CNTNAP3: variants seen among roughly 807,000 people sequenced by gnomAD.
CNTNAP3 encodes the protein contactin associated protein family member 3.
In CNTNAP3, 36 loss-of-function variants were observed where a neutral mutation model predicts 92.1. The observed-to-expected ratio is 0.39, with a 90% CI of 0.30 to 0.52. CNTNAP3 has a LOEUF of 0.52. CNTNAP3 is among the 20% of genes least tolerant of loss of function. The pLI, the probability that CNTNAP3 is intolerant of heterozygous loss-of-function variation, is 0.76. For synonymous variants in CNTNAP3, 232 were observed against 422.3 expected, an observed-to-expected ratio of 0.55 and a Z score of 5.53; for missense variants, 534 against 1,069.6, an observed-to-expected ratio of 0.50 and a Z score of 6.98.
intron 23 of CNTNAP3, among the ~76,000 whole-genome samples, chr9:39,075,191 G>C (rs942624805): frequency 2.0e-5 from 3 of 151,584 alleles, no homozygotes; most frequent in Non-Finnish European, 4.4e-5. Flanking sequence ...GAAAGACCTG[G>C]GCAAAATGTT....
Position 39,104,249 on chromosome 9 carries a change from C to T in CNTNAP3, c.2366-335G>A, listed in dbSNP as rs542549560. On this transcript the variant is annotated intron_variant, in intron 15 of 23. Coordinates refer to ENST00000297668, the MANE Select transcript of CNTNAP3 (RefSeq NM_033655.5). ...GACCAACAGAACTTACTGAAGAACTCGGTAAGATGTGAGAAGAAGGGTGGA... is the reference window on the plus strand; with the variant it reads ...GACCAACAGAACTTACTGAAGAACTTGGTAAGATGTGAGAAGAAGGGTGGA... Among the ~76,000 whole-genome samples the T allele has an allele frequency of 2.4e-4, 37 of 152,040 alleles. No homozygotes were observed. In the South Asian group the frequency reaches 7.1e-3, roughly 29 times the overall value.
intron 13 of CNTNAP3, among the ~76,000 whole-genome samples, chr9:39,129,903 A>G (rs1189093501): frequency 1.3e-5 from 2 of 152,190 alleles, no homozygotes; most frequent in African/African-American, 4.8e-5. Flanking sequence ...AACATGCTCA[A>G]TATTATTAGA....
chr9:39,096,540 A>T (rs984956498), intron 18 of CNTNAP3, among the ~76,000 whole-genome samples: 4 of 151,574 alleles, frequency 2.6e-5, no homozygotes, highest in African/African-American at 9.7e-5. Flanking sequence ...AACATTTATC[A>T]TTTCTTTTTG....
At chr9:39,136,755 G>A (rs1821446601) in intron 12 of CNTNAP3, among the ~76,000 whole-genome samples, 1 of 151,920 alleles carries the variant, frequency 6.6e-6, no homozygotes, top group African/African-American at 2.4e-5. Flanking sequence ...ACAAAAATTA[G>A]CCAGGCATGG....
intron 13 of CNTNAP3, among the ~76,000 whole-genome samples, chr9:39,129,910 T>C (rs907587553): frequency 1.3e-5 from 2 of 152,152 alleles, no homozygotes; most frequent in African/African-American, 4.8e-5. Flanking sequence ...TCAATATTAT[T>C]AGACATCAGG....
chr9:39,147,837 T>C (rs1168715025), intron 10 of CNTNAP3, among the ~76,000 whole-genome samples: 1 of 152,200 alleles, frequency 6.6e-6, no homozygotes, highest in African/African-American at 2.4e-5. Context: ...GCAGGCAACA[T>C]GGATCATCTC....
intron 20 of CNTNAP3, 29 bp downstream of exon 20, chr9:39,086,687 T>A (rs1826069791): frequency 6.2e-7 from 1 of 1,602,940 alleles, no homozygotes. Flanking sequence ...TAATATTAGT[T>A]AGTTTGACTT....
rs1485142004 is a variant in CNTNAP3, at chr9:39,226,932, ATATGTGTG to A, written c.390+12053_390+12060del. ...GCATAGTATTCCATGGTGTGTATGTATATGTGTGTATATATATATACCATATTTTCTTT... is the reference window on the plus strand; with the variant it reads ...GCATAGTATTCCATGGTGTGTATGTATATATATATATACCATATTTTCTTT... On this transcript the variant is annotated intron_variant, in intron 3 of 23. Transcript: ENST00000297668. Among the ~76,000 whole-genome samples the A allele has an allele frequency of 5.8e-4, 3 of 5,178 alleles. 1 individual carries two copies. Among genetic ancestry groups the A allele is most frequent in the East Asian group, 0.5 (2 of 4 alleles). The allele number at this position is 5,178 out of a possible 152,430, so 3.4% of individuals were successfully genotyped here.
chr9:39,077,363 C>T (rs1412710578), intron 23 of CNTNAP3, among the ~76,000 whole-genome samples: 4 of 151,752 alleles, frequency 2.6e-5, no homozygotes, highest in African/African-American at 9.7e-5. Context: ...TCGAGACCAT[C>T]CTGGCTAACA....
chr9:39,104,097 G>C (rs3119737), intron 15 of CNTNAP3, among the ~76,000 whole-genome samples, 183 bp from the exon 16 acceptor site: 2 of 152,112 alleles, frequency 1.3e-5, no homozygotes, highest in African/African-American at 2.4e-5. Flanking sequence ...GGTGATTATG[G>C]TGAGGATTAG....
At chr9:39,209,674 C>A (rs1452971623) in intron 3 of CNTNAP3, among the ~76,000 whole-genome samples, 1 of 23,822 alleles carries the variant, frequency 4.2e-5, no homozygotes, top group Admixed American at 7.3e-4. Context: ...CCCCCTCCCC[C>A]CTTCTGCCCC....
intron 21 of CNTNAP3, among the ~76,000 whole-genome samples, chr9:39,081,879 C>A (rs1204440474): frequency 6.8e-6 from 1 of 148,114 alleles, no homozygotes; most frequent in Admixed American, 6.7e-5. Context: ...GAGATCAAGA[C>A]CATCCTGGCT....
At chr9:39,114,227 C>T (rs543255472) in intron 14 of CNTNAP3, among the ~76,000 whole-genome samples, 20 of 151,706 alleles carry the variant, frequency 1.3e-4, no homozygotes, top group African/African-American at 3.9e-4. Context: ...GGACTACAGG[C>T]GCCCACCACC....
rs1257482460 is a variant in CNTNAP3 at position 39,248,534 on chromosome 9, T to C, written c.197-9348A>G. ...AATAATGTTGCTATGAATATATATA[T>C]ATATATATAAATTTTTTTTTACATT... On this transcript the variant is annotated intron_variant, in intron 2 of 23. Transcript: ENST00000297668. 6.3e-4 allele frequency among the ~76,000 whole-genome samples: 26 copies of C among 41,280 alleles called. 10 individuals carry two copies. Among genetic ancestry groups the C allele is most frequent in the African/African-American group, 1.9e-3 (24 of 12,318 alleles). 27.1% of individuals were successfully genotyped at this position (41,280 alleles called of 152,430 possible). A position where few individuals can be genotyped will look rare whatever the true frequency, so the allele number is the denominator to read the frequency against.
chr9:39,102,027 C>G (rs1283883926), intron 17 of CNTNAP3, among the ~76,000 whole-genome samples: 1 of 152,166 alleles, frequency 6.6e-6, no homozygotes, highest in African/African-American at 2.4e-5. Flanking sequence ...CGCCTGTAAT[C>G]CCAGCACTTT....
At position 39,065,979 on chromosome 9, in the gene CNTNAP3, TTTTTA is replaced by T. The variant is rs1428858383; in HGVS notation, c.*7906_*7910del. Among the ~76,000 whole-genome samples, 1 of 152,248 alleles carries T rather than the reference TTTTTA, an allele frequency of 6.6e-6. No homozygotes were observed. The highest frequency in any genetic ancestry group is 2.4e-5 in the African/African-American group (1 of 41,458). On this transcript the variant is annotated 3_prime_UTR_variant, in exon 24 of 24. Transcript: ENST00000297668. ...TAATCTTAAGGTCAAATTTATCAGA[TTTTTA>T]TTTTATATCTTGCTATTTGCTTTCT... is the stretch of plus-strand genomic sequence containing the variant.
chr9:39,119,541 C>T (rs975126812), intron 13 of CNTNAP3, among the ~76,000 whole-genome samples: 4 of 152,112 alleles, frequency 2.6e-5, no homozygotes, highest in Admixed American at 6.5e-5. Context: ...GATTAAAGAG[C>T]AAAACACTCA....
In CNTNAP3 at chr9:39,149,941, C is replaced by A. The variant is rs536107443; in HGVS notation, c.1514G>T (p.Ser505Ile). 2 of 1,611,776 alleles carry A rather than the reference C, an allele frequency of 1.2e-6. No homozygotes were observed. Among genetic ancestry groups the A allele is most frequent in the South Asian group, 1.1e-5 (1 of 90,974 alleles). ...GCAGCCCTGAAACCCTCCCAGGGGG[C>A]TTTTACATCCAGAGCCAGAGCTGTT... ...LDNSSGSGCK[S>I]PLGGFQGCLR... Residue 505 changes from serine to isoleucine, a missense_variant, in exon 10 of 24, where the codon AGC becomes ATC. By Grantham distance (142) the Ser-to-Ile change is moderately radical. Coordinates refer to ENST00000297668, the MANE Select transcript of CNTNAP3 (RefSeq NM_033655.5).
intron 11 of CNTNAP3, among the ~76,000 whole-genome samples, chr9:39,142,562 C>T (rs1821602735): frequency 6.6e-6 from 1 of 151,760 alleles, no homozygotes; most frequent in Non-Finnish European, 1.5e-5. Flanking sequence ...GTCCCAGCTA[C>T]TCGGGAGGCT....
Sources: gnomAD v4.1 joint callset for allele counts (sites outside exome capture counted in the v4.1 genomes callset) on GRCh38, gnomAD v4.1.1 for gene constraint, MANE v1.5 for transcripts, NCBI Gene and HGNC (gene_info 2026-07-23, HGNC 2026-07-21) for gene names.